The following SH2B2 variants were observed in gnomAD, a reference collection of about 807,000 sequenced individuals.
The protein encoded by SH2B2 is SH2B adapter protein 2.
Under a neutral mutation model 35.7 loss-of-function variants are expected in SH2B2, and 37 were observed. That is an observed-to-expected ratio of 1.04 (90% CI 0.80 to 1.36). The LOEUF is 1.36. SH2B2 is among the 40% of genes most tolerant of loss of function. SH2B2 has a pLI of 0.00. For missense variants in SH2B2, 852 were observed against 817.7 expected, an observed-to-expected ratio of 1.04 and a Z score of -0.51; for synonymous variants, 383 against 376.4, an observed-to-expected ratio of 1.02 and a Z score of -0.20.
At chr7:102,306,896 C>G (rs575624580) in intron 3 of SH2B2, 74 bp downstream of exon 3, 1 of 1,211,688 alleles carries the variant, frequency 8.3e-7, no homozygotes, top group Non-Finnish European at 1.2e-6. Flanking sequence ...CTACAGCTCC[C>G]TAGGGGAGCG....
chr7:102,301,050 G>T lies in SH2B2; in HGVS notation c.500G>T (p.Arg167Leu), dbSNP rs1793159424. 7.3e-7 allele frequency: 1 copy of T among 1,368,848 alleles called. No individual in the cohort carries two copies. The highest frequency in any genetic ancestry group is 1.6e-5 in the South Asian group (1 of 61,170). The allele number at this position is 1,368,848 out of a possible 1,614,324, so 84.8% of individuals were successfully genotyped here. A position where few individuals can be genotyped will look rare whatever the true frequency, so the allele number is the denominator to read the frequency against. ...SPEPDAAAAP[R>L]TAEPRDKWTR... is the part of the protein sequence containing the mutation. Reference sequence around the variant, plus strand: ...GAGCCCGACGCGGCAGCTGCCCCGCGCACCGCCGAGCCCCGCGACAAGTGG... The same window carrying T: ...GAGCCCGACGCGGCAGCTGCCCCGCTCACCGCCGAGCCCCGCGACAAGTGG... The change falls in exon 2 of 9, where the codon CGC (arginine) becomes CTC (leucine). Residue 167 changes from arginine (R) to leucine (L), a missense_variant. This residue lies in a region of SH2B2 where 294 missense variants were observed against 286.6 expected (regional missense o/e 1.03). Coordinates refer to ENST00000444095, the MANE Select transcript of SH2B2 (RefSeq NM_001359228.2).
intron 6 of SH2B2, among the ~76,000 whole-genome samples, chr7:102,316,829 A>G (rs1466306569): frequency 6.6e-6 from 1 of 151,998 alleles, no homozygotes; most frequent in Non-Finnish European, 1.5e-5. Context: ...GACCAGCCTG[A>G]CCAACACAGT....
intron 8 of SH2B2, 62 bp from the exon 9 acceptor site, chr7:102,321,237 C>A: frequency 1.6e-6 from 2 of 1,275,564 alleles, no homozygotes; most frequent in Non-Finnish European, 1.0e-6. Context: ...GGGATCCCGG[C>A]CTCCCTGCAG....
At position 102,314,393 on chromosome 7, in the gene SH2B2, C is replaced by T. The variant is rs971512486; in HGVS notation, c.981C>T (p.Arg327=). 9.3e-5 allele frequency: 37 copies of T among 398,700 alleles called. No homozygotes were observed. Among genetic ancestry groups the T allele is most frequent in the Admixed American group, 1.8e-4 (4 of 22,708 alleles). The allele number at this position is 398,700 out of a possible 1,614,324, so 24.7% of individuals were successfully genotyped here. Residue 327 remains arginine (R), a synonymous_variant, in exon 5 of 9, where the codon CGC becomes CGT. Transcript: ENST00000444095. ...CCCGAGGAGGCTGTCTGGCCAGCCGCGTGGCCTCCTGCAGCTGTGAGCTCC... is the reference window on the plus strand; with the variant it reads ...CCCGAGGAGGCTGTCTGGCCAGCCGTGTGGCCTCCTGCAGCTGTGAGCTCC... ...SCTRGGCLAS[R]VASCSCELLT...
chr7:102,313,483 C>T (rs1793703983), intron 4 of SH2B2, among the ~76,000 whole-genome samples: 4 of 152,116 alleles, frequency 2.6e-5, no homozygotes, highest in Admixed American at 1.3e-4. Flanking sequence ...ATGGGGGTCT[C>T]GCTATGTTGC....
At position 102,301,212 on chromosome 7, in the gene SH2B2, G is replaced by C; in HGVS notation, c.662G>C (p.Cys221Ser). The change falls in exon 2 of 9, where the codon TGC becomes TCC. Residue 221 changes from cysteine (C) to serine (S), a missense_variant. Physicochemically the swap from Cys to Ser is moderately radical, Grantham distance 112. Coordinates refer to ENST00000444095, the MANE Select transcript of SH2B2 (RefSeq NM_001359228.2). ...GGGGGCTCGGCTCAGTGGCAGAAGT[G>C]CCGCCTGCTCCTGCGCAGGGCTGTG... ...GSGGSAQWQK[C>S]RLLLRRAVAE... 3 of 1,595,096 alleles carry C rather than the reference G, an allele frequency of 1.9e-6. No individual in the cohort carries two copies. The highest frequency in any genetic ancestry group is 1.1e-5 in the South Asian group (1 of 88,862).
In SH2B2 at chr7:102,300,802, G is replaced by A. The variant is rs371905901; in HGVS notation, c.252G>A (p.Gly84=). 4.4e-4 allele frequency: 662 copies of A among 1,496,702 alleles called. 3 individuals are homozygous for A. In the African/African-American group the frequency reaches 8.5e-3, roughly 19 times the overall value. 92.7% of individuals were successfully genotyped at this position (1,496,702 alleles called of 1,614,324 possible). Residue 84 remains glycine, a synonymous_variant, in exon 2 of 9, where the codon GGG becomes GGA. Transcript: ENST00000444095. ...GEEVRRVLVA[G]PTTRGAAVSA... ...AGGTGCGCCGCGTGCTGGTGGCTGGGCCGACGACTCGGGGCGCGGCCGTGA... is the reference window on the plus strand; with the variant it reads ...AGGTGCGCCGCGTGCTGGTGGCTGGACCGACGACTCGGGGCGCGGCCGTGA...
At position 102,320,389 on chromosome 7, in the gene SH2B2, A is replaced by T; in HGVS notation, c.1454A>T (p.Gln485Leu). ...TGTCACGTACAGCATCTGTGGTTCC[A>T]GTCTGTGCTTGACATGCTCCGCCAC... ...GQCHVQHLWFQSVLDMLRHFH... is the reference protein window; with the variant it reads ...GQCHVQHLWFLSVLDMLRHFH... Residue 485 changes from glutamine (Q) to leucine (L), a missense_variant, in exon 8 of 9, where the codon CAG (glutamine) becomes CTG (leucine). Gln to Leu is a moderately radical substitution (Grantham distance 113). Transcript: ENST00000444095. The T allele has an allele frequency of 6.2e-7, 1 of 1,613,538 alleles. No individual in the cohort carries two copies. Among genetic ancestry groups the T allele is most frequent in the Non-Finnish European group, 8.5e-7 (1 of 1,179,868 alleles).
At chr7:102,310,646 C>T (rs1466944920) in intron 4 of SH2B2, among the ~76,000 whole-genome samples, 1 of 152,156 alleles carries the variant, frequency 6.6e-6, no homozygotes, top group Non-Finnish European at 1.5e-5. Context: ...GGGGAAGGGC[C>T]GCTGCTTTCT....
chr7:102,317,409 G>C lies in SH2B2; in HGVS notation c.1395+14G>C. 1 of 1,548,722 alleles carries C rather than the reference G, an allele frequency of 6.5e-7. No individual in the cohort carries two copies. The highest frequency in any genetic ancestry group is 8.8e-7 in the Non-Finnish European group (1 of 1,140,108). Reference sequence around the variant, plus strand: ...GGCAAGGCCAAGGCAAGTGTGTGGGGGGCGCCATGGGGGTGCAGTGGCCAG... The same window carrying C: ...GGCAAGGCCAAGGCAAGTGTGTGGGCGGCGCCATGGGGGTGCAGTGGCCAG... On this transcript the variant is annotated intron_variant, in intron 7 of 8. Coordinates refer to ENST00000444095, the MANE Select transcript of SH2B2 (RefSeq NM_001359228.2).
chr7:102,311,921 G>A lies in SH2B2; in HGVS notation c.924-2415G>A, dbSNP rs146114677. Among the ~76,000 whole-genome samples, 1,387 of 148,526 alleles carry A rather than the reference G, an allele frequency of 9.3e-3. 27 individuals are homozygous for A. The highest frequency in any genetic ancestry group is 0.032 in the African/African-American group (1,292 of 40,248). On this transcript the variant is annotated intron_variant, in intron 4 of 8. Transcript: ENST00000444095. Reference sequence around the variant, plus strand: ...GGGAAACCCCATCTCTACTAAAAATGCAAAAATTAGCTGGAGGTGGAGGCG... The same window carrying A: ...GGGAAACCCCATCTCTACTAAAAATACAAAAATTAGCTGGAGGTGGAGGCG...
intron 1 of SH2B2, among the ~76,000 whole-genome samples, chr7:102,288,142 G>T (rs529076861): frequency 6.6e-6 from 1 of 152,110 alleles, no homozygotes. Context: ...CTGGGGGCAG[G>T]GGGTGTGGTT....
chr7:102,293,586 C>T (rs985571474), intron 1 of SH2B2, among the ~76,000 whole-genome samples: 5 of 151,940 alleles, frequency 3.3e-5, no homozygotes, highest in Admixed American at 2.0e-4. Flanking sequence ...GCCCAGTGCT[C>T]CGAGGAGGGC....
upstream of SH2B2, among the ~76,000 whole-genome samples, chr7:102,285,597 C>T (rs1554550741): frequency 6.6e-6 from 1 of 152,210 alleles, no homozygotes; most frequent in Non-Finnish European, 1.5e-5. Flanking sequence ...GGCTCTGTCC[C>T]CTCCACCTTC....
chr7:102,309,164 C>T (rs531869041), intron 4 of SH2B2: 78 of 600,826 alleles, frequency 1.3e-4, no homozygotes, highest in Non-Finnish European at 2.3e-4. Flanking sequence ...GTCTTGTCTT[C>T]ACCCCAAGAG....
At chr7:102,318,081 C>T (rs1793922562) in intron 7 of SH2B2, among the ~76,000 whole-genome samples, 1 of 152,140 alleles carries the variant, frequency 6.6e-6, no homozygotes, top group South Asian at 2.1e-4. Context: ...ATGGTACACC[C>T]AGGCGGTGTG....
At position 102,308,868 on chromosome 7, in the gene SH2B2, C is replaced by T; in HGVS notation, c.885C>T (p.His295=). ...ILETIDSLQK[H]SWVADIQGCV... ...AGACCATCGACTCTCTGCAGAAGCA[C>T]TCGTGGGTAGCTGACATCCAGGGCT... The change falls in exon 4 of 9, where the codon CAC becomes CAT. Residue 295 remains histidine (H), a synonymous_variant. Transcript: ENST00000444095. The T allele has an allele frequency of 6.2e-7, 1 of 1,613,738 alleles. No individual in the cohort carries two copies.
chr7:102,295,692 T>G (rs1466710895), intron 1 of SH2B2, among the ~76,000 whole-genome samples: 1 of 152,140 alleles, frequency 6.6e-6, no homozygotes, highest in Non-Finnish European at 1.5e-5. Context: ...GAGACACTTG[T>G]GCTGGCCTGG....
rs143104320 is a variant in SH2B2 at position 102,311,875 on chromosome 7, G to A, written c.924-2461G>A. On this transcript the variant is annotated intron_variant, in intron 4 of 8. Coordinates refer to ENST00000444095, the MANE Select transcript of SH2B2 (RefSeq NM_001359228.2). ...GCACATCACCTGAGGTCAGGAGTTC[G>A]AGACCAGCCTGGCCAACATGGGGAA... Among the ~76,000 whole-genome samples the A allele has an allele frequency of 4.8e-3, 732 of 152,000 alleles. 18 individuals carry two copies. In the South Asian group the frequency reaches 0.055, roughly 11 times the overall value.
Sources: allele counts gnomAD v4.1 joint callset (sites outside exome capture counted in the v4.1 genomes callset), GRCh38; gene constraint gnomAD v4.1.1; regional missense constraint gnomAD v4.1.1; transcripts MANE v1.5; gene names NCBI Gene and HGNC (gene_info 2026-07-23, HGNC 2026-07-21).